Variants in CEP112 observed in about 807,000 individuals in gnomAD.
CEP112 encodes the protein centrosomal protein of 112 kDa.
Under a neutral mutation model 153.0 loss-of-function variants are expected in CEP112, and 127 were observed. That is an observed-to-expected ratio of 0.83 (90% confidence interval 0.72 to 0.96). CEP112 has a LOEUF of 0.96. CEP112 is among the 40% of genes least tolerant of loss of function. The pLI is 0.00. For missense variants in CEP112, 1,089 were observed against 1,101.2 expected, an observed-to-expected ratio of 0.99 and a Z score of 0.16; for synonymous variants, 358 against 374.4, an observed-to-expected ratio of 0.96 and a Z score of 0.51.
In CEP112 at chr17:65,901,150, CATAAT is replaced by C. The variant is rs541967192; in HGVS notation, c.2163+997_2163+1001del. Among the ~76,000 whole-genome samples, 135 of 152,210 alleles carry C rather than the reference CATAAT, an allele frequency of 8.9e-4. 1 individual carries two copies. Among genetic ancestry groups the C allele is most frequent in the Middle Eastern group, 3.4e-3 (1 of 294 alleles). On this transcript the variant is annotated intron_variant, in intron 20 of 26. Transcript: ENST00000535342. ...AGATAATCACAAGATTGTTGAAAGA[CATAAT>C]ATAACAGAAGGTTTGTTTTGTTTGA... is the stretch of plus-strand genomic sequence containing the variant.
At chr17:66,143,581 G>GT (rs1346413585) in intron 4 of CEP112, among the ~76,000 whole-genome samples, 2 of 152,210 alleles carry the variant, frequency 1.3e-5, no homozygotes, top group African/African-American at 4.8e-5. Flanking sequence ...TGAATACGGT[G>GT]TTTGTCTAAT....
chr17:66,114,153 C>T (rs1483035559), intron 6 of CEP112, among the ~76,000 whole-genome samples: 4 of 152,182 alleles, frequency 2.6e-5, no homozygotes, highest in African/African-American at 9.6e-5. Flanking sequence ...AACATGTTTG[C>T]ACATTTCTTG....
chr17:65,648,492 G>A (rs553708373), intron 24 of CEP112, among the ~76,000 whole-genome samples: 1 of 152,198 alleles, frequency 6.6e-6, no homozygotes, highest in Non-Finnish European at 1.5e-5. Flanking sequence ...AACTTTTAAA[G>A]TGAACTGTGA....
intron 20 of CEP112, among the ~76,000 whole-genome samples, chr17:65,895,969 T>A (rs1169087323): frequency 1.3e-5 from 2 of 152,082 alleles, no homozygotes; most frequent in Non-Finnish European, 2.9e-5. Context: ...TTTAATTACC[T>A]CTTCTTCAAG....
intron 21 of CEP112, among the ~76,000 whole-genome samples, chr17:65,767,745 A>G (rs1243168286): frequency 6.6e-6 from 1 of 152,094 alleles, no homozygotes; most frequent in Non-Finnish European, 1.5e-5. Context: ...TATTATTAAC[A>G]ATTATATGTC....
chr17:66,067,926 C>G (rs1442445640), intron 9 of CEP112, among the ~76,000 whole-genome samples: 4 of 152,064 alleles, frequency 2.6e-5, no homozygotes, highest in Non-Finnish European at 5.9e-5. Context: ...ACCGTTCTAT[C>G]CTCCTAGTGC....
At chr17:65,893,368 A>G (rs1399966207) in intron 20 of CEP112, among the ~76,000 whole-genome samples, 1 of 152,170 alleles carries the variant, frequency 6.6e-6, no homozygotes, top group African/African-American at 2.4e-5. Context: ...AAAATAAACC[A>G]GAAAAATAAC....
At chr17:66,124,544 T>C (rs1351988637) in intron 6 of CEP112, among the ~76,000 whole-genome samples, 1 of 150,712 alleles carries the variant, frequency 6.6e-6, no homozygotes, top group African/African-American at 2.4e-5. Flanking sequence ...CCACTGGGGC[T>C]GGTCTAGAGG....
chr17:66,060,535 T>C (rs1435093073), intron 11 of CEP112, among the ~76,000 whole-genome samples: 1 of 152,054 alleles, frequency 6.6e-6, no homozygotes, highest in Admixed American at 6.6e-5. Context: ...TAAAACAGTA[T>C]GCTATTGGCA....
chr17:65,913,810 T>A (rs1485364716), intron 19 of CEP112: 11 of 985,322 alleles, frequency 1.1e-5, no homozygotes, highest in Non-Finnish European at 1.3e-5. Flanking sequence ...CAGCTGTGAT[T>A]AGCAAGCTGA....
intron 21 of CEP112, among the ~76,000 whole-genome samples, chr17:65,784,915 A>C (rs1438841441): frequency 1.3e-5 from 2 of 152,170 alleles, no homozygotes; most frequent in African/African-American, 4.8e-5. Context: ...AAATTCTAGA[A>C]TATTTTCATC....
chr17:65,708,172 A>G (rs1276754071), intron 23 of CEP112, among the ~76,000 whole-genome samples: 1 of 151,910 alleles, frequency 6.6e-6, no homozygotes. Context: ...GTATTACATG[A>G]CCAGTCTTCT....
intron 20 of CEP112, among the ~76,000 whole-genome samples, chr17:65,870,048 A>AGAAAGAAAGAAAGAAG (rs2058609652): frequency 1.3e-5 from 1 of 75,992 alleles, no homozygotes; most frequent in African/African-American, 3.7e-5. Flanking sequence ...AAAGAAAGAA[A>AGAAAGAAAGAAAGAAG]GAAAGAAAGA....
At chr17:66,025,663 G>A (rs975563583) in intron 16 of CEP112, among the ~76,000 whole-genome samples, 6 of 152,140 alleles carry the variant, frequency 3.9e-5, no homozygotes, top group Non-Finnish European at 5.9e-5. Context: ...AGATGTTGGT[G>A]AGGATGCAGA....
chr17:65,961,492 C>G lies in CEP112; in HGVS notation c.1843G>C (p.Glu615Gln). The change falls in exon 18 of 27, where the codon GAG (glutamate) becomes CAG (glutamine). Residue 615 changes from glutamate to glutamine, a missense_variant. Physicochemically the swap from Glu to Gln is conservative, Grantham distance 29. Coordinates refer to ENST00000535342, the MANE Select transcript of CEP112 (RefSeq NM_001199165.4). The part of the protein sequence containing the change: ...EFKRQVELNS[E>Q]KVYAEMKEQM... ...TCTTTCATTTCAGCATAGACTTTCT[C>G]TGAGTTCAGTTCCACCTGCCGCTTA... The G allele has an allele frequency of 6.2e-7, 1 of 1,611,564 alleles. No individual in the cohort carries two copies. Among genetic ancestry groups the G allele is most frequent in the African/African-American group, 1.3e-5 (1 of 75,032 alleles).
At chr17:66,127,309 G>A (rs1416213862) in intron 6 of CEP112, among the ~76,000 whole-genome samples, 1 of 152,172 alleles carries the variant, frequency 6.6e-6, no homozygotes, top group African/African-American at 2.4e-5. Flanking sequence ...TAAAAGGATA[G>A]CTCCAGAATT....
chr17:65,992,960 G>A (rs901802167), intron 17 of CEP112, among the ~76,000 whole-genome samples: 1 of 151,892 alleles, frequency 6.6e-6, no homozygotes, highest in African/African-American at 2.4e-5. Flanking sequence ...AAGTTCGAGG[G>A]TACATGTGCA....
chr17:66,023,191 C>A (rs191390203), intron 16 of CEP112, among the ~76,000 whole-genome samples: 1 of 152,214 alleles, frequency 6.6e-6, no homozygotes, highest in Admixed American at 6.5e-5. Context: ...GAGATTTAAA[C>A]ATCCACATAC....
intron 4 of CEP112, among the ~76,000 whole-genome samples, chr17:66,136,897 C>A (rs2070458346): frequency 6.6e-6 from 1 of 152,114 alleles, no homozygotes; most frequent in Admixed American, 6.5e-5. Flanking sequence ...TGAAGGTCTG[C>A]CCCTGTACAA....
Sources: allele counts gnomAD v4.1 joint callset (sites outside exome capture counted in the v4.1 genomes callset), GRCh38; gene constraint gnomAD v4.1.1; transcripts MANE v1.5; gene names NCBI Gene and HGNC (gene_info 2026-07-23, HGNC 2026-07-21).